ARHGAP42: variants seen among roughly 807,000 people sequenced by gnomAD.
ARHGAP42 encodes Rho GTPase activating protein 42.
Under a neutral mutation model 125.0 loss-of-function variants are expected in ARHGAP42, and 63 were observed. The ratio of observed to expected loss-of-function variants is 0.50; its 90% CI spans 0.41 to 0.62. The LOEUF (loss-of-function observed/expected upper bound fraction) is 0.62. ARHGAP42 is among the 20% of genes least tolerant of loss of function. The pLI is 0.00. For synonymous variants in ARHGAP42, 339 were observed against 351.0 expected, an observed-to-expected ratio of 0.97 and a Z score of 0.38; for missense variants, 766 against 1,024.2, an observed-to-expected ratio of 0.75 and a Z score of 3.44.
intron 4 of ARHGAP42, among the ~76,000 whole-genome samples, chr11:100,880,108 T>G (rs1193369555): frequency 2.0e-5 from 3 of 152,228 alleles, no homozygotes; most frequent in Non-Finnish European, 2.9e-5. Context: ...TCTTTTAATT[T>G]TTTTATTTCC....
rs143223713 is a variant in ARHGAP42 at position 100,967,043 on chromosome 11, G to A, written c.1550+1267G>A. Among the ~76,000 whole-genome samples, 73 of 150,516 alleles carry A rather than the reference G, an allele frequency of 4.8e-4. 1 individual carries two copies. Among genetic ancestry groups the A allele is most frequent in the Admixed American group, 1.5e-3 (23 of 15,084 alleles). ...TCCCCAGCATTCCTGGCTTCTTTCT[G>A]AACTTACAAAAGGTCAAGCCCTGCT... On this transcript the variant is annotated intron_variant, in intron 17 of 23. Transcript: ENST00000298815.
At chr11:100,839,123 A>G (rs1261045870) in intron 3 of ARHGAP42, among the ~76,000 whole-genome samples, 2 of 152,074 alleles carry the variant, frequency 1.3e-5, no homozygotes, top group Admixed American at 6.6e-5. Context: ...CCACCTTTCT[A>G]GATATTAAGG....
chr11:100,911,088 G>A (rs1025680139), intron 4 of ARHGAP42, among the ~76,000 whole-genome samples: 14 of 152,148 alleles, frequency 9.2e-5, no homozygotes, highest in African/African-American at 3.1e-4. Context: ...GAAATTTTAA[G>A]CATCTATTTT....
chr11:100,972,408 C>T lies in ARHGAP42; in HGVS notation c.1551-767C>T, dbSNP rs191212378. On this transcript the variant is annotated intron_variant, in intron 17 of 23. Coordinates refer to ENST00000298815, the MANE Select transcript of ARHGAP42 (RefSeq NM_152432.4). ...ATTACTTCACTCAGGTCAGTGATAT[C>T]AGAGGTTTTTGATTTGATTGTCAAG... is the stretch of plus-strand genomic sequence containing the variant. 2.2e-3 allele frequency among the ~76,000 whole-genome samples: 334 copies of T among 152,222 alleles called. 4 individuals carry two copies. The highest frequency in any genetic ancestry group is 7.7e-4 in the East Asian group (4 of 5,174).
chr11:100,810,319 A>G (rs928395579), intron 3 of ARHGAP42, among the ~76,000 whole-genome samples: 2 of 152,218 alleles, frequency 1.3e-5, no homozygotes, highest in Admixed American at 1.3e-4. Context: ...TAGACAAGAT[A>G]ATTTACTGTA....
At chr11:100,912,031 A>T (rs1866936123) in intron 4 of ARHGAP42, among the ~76,000 whole-genome samples, 1 of 152,198 alleles carries the variant, frequency 6.6e-6, no homozygotes, top group Non-Finnish European at 1.5e-5. Context: ...GCTCAATTTT[A>T]CCAGCTCACT....
intron 17 of ARHGAP42, among the ~76,000 whole-genome samples, chr11:100,967,943 C>T (rs901364933): frequency 2.6e-5 from 4 of 152,032 alleles, no homozygotes; most frequent in South Asian, 2.1e-4. Context: ...AGGATGGTCT[C>T]GCTCTCTTGA....
intron 1 of ARHGAP42, among the ~76,000 whole-genome samples, chr11:100,714,946 C>A (rs1452388550): frequency 6.6e-6 from 1 of 150,486 alleles, no homozygotes; most frequent in Non-Finnish European, 1.5e-5. Flanking sequence ...TACTCAGGAG[C>A]CTGAGGTGGG....
rs61999341 is a variant in ARHGAP42 at position 100,795,157 on chromosome 11, G to A, written c.303G>A (p.Arg101=). ...TACTCATTGCAGTAGAAGAAGAAAG[G>A]CGAAGACTGGTAAGTCTGTTCTGTA... ...ARLLIAVEEE[R]RRLIQNANDV... Residue 101 remains arginine (R), a synonymous_variant, in exon 3 of 24, where the codon AGG becomes AGA. Coordinates refer to ENST00000298815, the MANE Select transcript of ARHGAP42 (RefSeq NM_152432.4). 38,344 of 1,539,546 alleles carry A rather than the reference G, an allele frequency of 0.025. 585 individuals carry two copies. The highest frequency in any genetic ancestry group is 0.07 in the African/African-American group (5,083 of 72,690).
At chr11:100,870,903 C>T (rs558962180) in intron 4 of ARHGAP42, among the ~76,000 whole-genome samples, 269 of 144,616 alleles carry the variant, frequency 1.9e-3, no homozygotes, top group African/African-American at 6.5e-3. Context: ...TGAGAAAACA[C>T]AGATATCAGA....
intron 22 of ARHGAP42, among the ~76,000 whole-genome samples, chr11:100,983,220 CAT>C (rs939583055): frequency 6.6e-6 from 1 of 152,038 alleles, no homozygotes; most frequent in African/African-American, 2.4e-5. Flanking sequence ...GAAATTCAAA[CAT>C]AACATTTTAA....
At chr11:100,751,277 G>GTTTTTTTTTTTTTTTTTTT (rs756243174) in intron 1 of ARHGAP42, among the ~76,000 whole-genome samples, 16 of 121,664 alleles carry the variant, frequency 1.3e-4, no homozygotes, top group African/African-American at 3.4e-4. Flanking sequence ...GTGTGTGTGT[G>GTTTTTTTTTTTTTTTTTTT]TGTTTTTTTT....
At chr11:100,931,219 TTTTGGAGTGC>T (rs778111683) in intron 6 of ARHGAP42, among the ~76,000 whole-genome samples, 17 of 152,316 alleles carry the variant, frequency 1.1e-4, no homozygotes, top group Middle Eastern at 3.4e-3. Context: ...AAATTTTGCA[TTTTGGAGTGC>T]TTTGGATTTC....
intron 3 of ARHGAP42, among the ~76,000 whole-genome samples, chr11:100,813,094 T>G (rs1401864381): frequency 1.3e-5 from 2 of 151,956 alleles, no homozygotes; most frequent in African/African-American, 4.8e-5. Flanking sequence ...CAGGTGATAC[T>G]AAGAGGATTT....
Position 100,962,411 on chromosome 11 carries a change from G to C in ARHGAP42, c.1388G>C (p.Cys463Ser). ...ITSGLKNYLR[C>S]LAEPLMTYKL... ...TGTGTTTCCTTTCTCTGTTGTAGGTGCCTTGCAGAACCACTGATGACTTAC... is the reference window on the plus strand; with the variant it reads ...TGTGTTTCCTTTCTCTGTTGTAGGTCCCTTGCAGAACCACTGATGACTTAC... The change falls in exon 16 of 24, where the codon TGC (cysteine) becomes TCC (serine). Residue 463 changes from cysteine (C) to serine (S), a missense_variant and splice_region_variant. By Grantham distance (112) the Cys-to-Ser change is moderately radical. Transcript: ENST00000298815. The C allele has an allele frequency of 6.4e-7, 1 of 1,550,594 alleles. No individual in the cohort carries two copies. The highest frequency in any genetic ancestry group is 8.7e-7 in the Non-Finnish European group (1 of 1,146,246).
intron 3 of ARHGAP42, among the ~76,000 whole-genome samples, chr11:100,815,094 C>T (rs752710097): frequency 2.6e-5 from 4 of 152,194 alleles, no homozygotes; most frequent in Non-Finnish European, 5.9e-5. Flanking sequence ...TGACCATATA[C>T]ATGTTTGTGT....
chr11:100,974,726 T>C, intron 19 of ARHGAP42, 123 bp downstream of exon 19: 2 of 1,030,470 alleles, frequency 1.9e-6, no homozygotes, highest in Non-Finnish European at 2.6e-6. Context: ...CAACACCTCC[T>C]CTTTTATCAT....
At chr11:100,978,957 A>T in intron 21 of ARHGAP42, 30 bp from the exon 22 acceptor site, 3 of 1,550,310 alleles carry the variant, frequency 1.9e-6, no homozygotes, top group Non-Finnish European at 2.6e-6. Context: ...GATTGACTTC[A>T]TGAAACTTGC....
intron 4 of ARHGAP42, among the ~76,000 whole-genome samples, chr11:100,899,533 G>T (rs1416922173): frequency 6.6e-6 from 1 of 152,098 alleles, no homozygotes; most frequent in Non-Finnish European, 1.5e-5. Context: ...CTCCTGTGTT[G>T]GGTGGATATA....
Sources: gnomAD v4.1 joint callset for allele counts (sites outside exome capture counted in the v4.1 genomes callset) on GRCh38, gnomAD v4.1.1 for gene constraint, MANE v1.5 for transcripts, NCBI Gene and HGNC (gene_info 2026-07-23, HGNC 2026-07-21) for gene names.